The following NELL1 variants were observed in gnomAD, a reference collection of about 807,000 sequenced individuals.
NELL1 encodes the protein neural EGFL like 1, also known as protein kinase C-binding protein NELL1.
NELL1 carries 76 observed loss-of-function variants against 107.4 expected under a neutral mutation model. The ratio of observed to expected loss-of-function variants is 0.71; its 90% CI spans 0.59 to 0.86. The LOEUF (loss-of-function observed/expected upper bound fraction) is 0.86. Ranked by LOEUF, NELL1 falls within the 40% of genes least tolerant of loss-of-function variation. NELL1 has a pLI of 0.00. For synonymous variants in NELL1, 353 were observed against 341.2 expected (o/e 1.03, Z -0.38); for missense variants, 1,024 against 1,005.5 (o/e 1.02, Z -0.25).
intron 14 of NELL1, among the ~76,000 whole-genome samples, chr11:21,321,959 C>T (rs1850020419): frequency 1.3e-5 from 2 of 152,184 alleles, no homozygotes; most frequent in South Asian, 4.1e-4. Flanking sequence ...AACACCAACT[C>T]CTGGAGTCTC....
At chr11:20,729,304 C>A (rs1855577510) in intron 2 of NELL1, among the ~76,000 whole-genome samples, 1 of 151,814 alleles carries the variant, frequency 6.6e-6, no homozygotes, top group Non-Finnish European at 1.5e-5. Context: ...TTATTTTTTT[C>A]TCTTGTCTGA....
intron 13 of NELL1, among the ~76,000 whole-genome samples, chr11:21,152,144 A>G (rs79729788): frequency 1.7e-3 from 264 of 152,280 alleles, no homozygotes; most frequent in African/African-American, 6.1e-3. Flanking sequence ...ACAGTTCGGT[A>G]TGTTTTCCAG....
intron 12 of NELL1, among the ~76,000 whole-genome samples, chr11:21,024,010 TTTTG>T (rs1358429883): frequency 6.6e-6 from 1 of 152,110 alleles, no homozygotes; most frequent in Non-Finnish European, 1.5e-5. Context: ...AAATCCTTCC[TTTTG>T]TAAGAAAGCT....
At chr11:21,049,600 A>G (rs1853441644) in intron 12 of NELL1, among the ~76,000 whole-genome samples, 1 of 152,008 alleles carries the variant, frequency 6.6e-6, no homozygotes, top group Non-Finnish European at 1.5e-5. Flanking sequence ...GCACATAAAC[A>G]CCTTCTTTGC....
At chr11:21,020,376 G>A (rs1320671796) in intron 12 of NELL1, among the ~76,000 whole-genome samples, 1 of 152,080 alleles carries the variant, frequency 6.6e-6, no homozygotes, top group Non-Finnish European at 1.5e-5. Flanking sequence ...TGAACTCACA[G>A]GCAATAAGTA....
chr11:21,436,569 A>T (rs1197175495), intron 15 of NELL1, among the ~76,000 whole-genome samples: 2 of 151,962 alleles, frequency 1.3e-5, no homozygotes, highest in Non-Finnish European at 2.9e-5. Context: ...TGTCAAATTT[A>T]TCTTTTCAAA....
intron 14 of NELL1, among the ~76,000 whole-genome samples, chr11:21,279,571 G>C (rs998200970): frequency 6.6e-6 from 1 of 152,136 alleles, no homozygotes; most frequent in Admixed American, 6.5e-5. Context: ...ACACCTATTG[G>C]AATGGCCAAA....
At chr11:21,436,261 G>A (rs1178196871) in intron 15 of NELL1, among the ~76,000 whole-genome samples, 1 of 152,124 alleles carries the variant, frequency 6.6e-6, no homozygotes, top group Non-Finnish European at 1.5e-5. Flanking sequence ...CACCATGTTG[G>A]TCAGGATGGT....
intron 16 of NELL1, among the ~76,000 whole-genome samples, chr11:21,554,025 C>T (rs770702026): frequency 2.8e-4 from 42 of 151,838 alleles, no homozygotes; most frequent in Non-Finnish European, 4.6e-4. Flanking sequence ...ACATATAAAT[C>T]GTGGGTTGTT....
intron 15 of NELL1, among the ~76,000 whole-genome samples, chr11:21,468,184 C>T (rs1402761590): frequency 6.6e-6 from 1 of 151,916 alleles, no homozygotes; most frequent in Non-Finnish European, 1.5e-5. Context: ...TATTTTGCTA[C>T]CATCAATGGT....
chr11:20,876,535 G>A (rs560084981), intron 4 of NELL1, among the ~76,000 whole-genome samples: 1 of 152,304 alleles, frequency 6.6e-6, no homozygotes, highest in East Asian at 1.9e-4. Flanking sequence ...GGAGGCCGAG[G>A]CGGTGGATCT....
intron 15 of NELL1, among the ~76,000 whole-genome samples, chr11:21,519,538 G>GT (rs1234168695): frequency 3.2e-5 from 2 of 61,888 alleles, no homozygotes; most frequent in Non-Finnish European, 1.0e-4. Flanking sequence ...GTTTTGTTTT[G>GT]TTTTTTGTTT....
intron 14 of NELL1, among the ~76,000 whole-genome samples, chr11:21,347,286 G>T (rs1356121404): frequency 1.3e-5 from 2 of 152,132 alleles, no homozygotes; most frequent in Admixed American, 6.6e-5. Context: ...AAGTGGAAAA[G>T]AGTTTGGCTT....
intron 2 of NELL1, among the ~76,000 whole-genome samples, chr11:20,722,045 A>G (rs1403169638): frequency 1.1e-4 from 16 of 146,436 alleles, no homozygotes; most frequent in African/African-American, 4.0e-4. Flanking sequence ...TTTTGAGACA[A>G]AGTCTTGCTC....
At chr11:21,350,877 T>C (rs1850794579) in intron 14 of NELL1, among the ~76,000 whole-genome samples, 1 of 152,080 alleles carries the variant, frequency 6.6e-6, no homozygotes, top group South Asian at 2.1e-4. Context: ...ATAGTGGACC[T>C]AAAAAAATAT....
chr11:21,253,053 G>C (rs1565131806), intron 14 of NELL1, among the ~76,000 whole-genome samples: 1 of 151,868 alleles, frequency 6.6e-6, no homozygotes. Flanking sequence ...ATGTCTCTGT[G>C]GTTAAGGGTT....
At chr11:21,158,097 G>A (rs1397620836) in intron 13 of NELL1, among the ~76,000 whole-genome samples, 3 of 152,082 alleles carry the variant, frequency 2.0e-5, no homozygotes, top group African/African-American at 7.2e-5. Flanking sequence ...AAGTCTTCTG[G>A]CCTCCAACTT....
chr11:21,536,858 A>T (rs1187130572), intron 16 of NELL1, among the ~76,000 whole-genome samples: 1 of 152,098 alleles, frequency 6.6e-6, no homozygotes, highest in Admixed American at 6.6e-5. Flanking sequence ...GAGCCCTATC[A>T]CCCTCATAAA....
chr11:21,401,888 A>T (rs1852105270), intron 15 of NELL1, among the ~76,000 whole-genome samples: 2 of 151,756 alleles, frequency 1.3e-5, no homozygotes, highest in African/African-American at 4.8e-5. Context: ...ACTTTACAAA[A>T]TTGTAGTGAG....
Sources: gnomAD v4.1 joint callset for allele counts (sites outside exome capture counted in the v4.1 genomes callset) on GRCh38, gnomAD v4.1.1 for gene constraint, MANE v1.5 for transcripts, NCBI Gene and HGNC (gene_info 2026-07-23, HGNC 2026-07-21) for gene names.